ATP9B: variants seen among roughly 807,000 people sequenced by gnomAD.
ATP9B encodes ATPase phospholipid transporting 9B.
In ATP9B, 110 loss-of-function variants were observed where a neutral mutation model predicts 146.1. That is an observed-to-expected ratio of 0.75 (90% confidence interval 0.65 to 0.88). The LOEUF (loss-of-function observed/expected upper bound fraction) is 0.88, where lower values mean the gene tolerates loss of function less well. ATP9B is among the 40% of genes least tolerant of loss of function. The probability of loss-of-function intolerance (pLI) is 0.00; values close to 1 mark genes in which losing one functional copy is unlikely to be tolerated. For missense variants in ATP9B, 1,499 were observed against 1,496.4 expected (o/e 1.00, Z -0.03); for synonymous variants, 604 against 569.7 (o/e 1.06, Z -0.86).
chr18:79,198,954 A>T (rs1329203634), intron 9 of ATP9B, among the ~76,000 whole-genome samples: 1 of 151,860 alleles, frequency 6.6e-6, no homozygotes, highest in Non-Finnish European at 1.5e-5. Context: ...GCTTCCTATA[A>T]CTTTAATTTT....
intron 16 of ATP9B, 148 bp downstream of exon 16, chr18:79,329,450 T>C: frequency 2.1e-6 from 2 of 954,614 alleles, no homozygotes; most frequent in Non-Finnish European, 2.9e-6. Context: ...TTTAATGAAA[T>C]CTAAGCTAAT....
chr18:79,227,765 G>A (rs547071688), intron 11 of ATP9B, among the ~76,000 whole-genome samples: 2 of 151,856 alleles, frequency 1.3e-5, no homozygotes, highest in South Asian at 2.1e-4. Context: ...GTGCCTTCCC[G>A]GGAGGTTCTA....
At chr18:79,370,323 G>C (rs1232196846) in intron 26 of ATP9B, among the ~76,000 whole-genome samples, 2 of 152,110 alleles carry the variant, frequency 1.3e-5, no homozygotes, top group African/African-American at 4.8e-5. Context: ...TCACAGAGGA[G>C]GGAACTGAGG....
At chr18:79,183,781 T>TA (rs2095276369) in intron 8 of ATP9B, among the ~76,000 whole-genome samples, 1 of 129,146 alleles carries the variant, frequency 7.7e-6, no homozygotes, top group Non-Finnish European at 1.6e-5. Context: ...ATTTTTTTTT[T>TA]AGTTTAAAGT....
chr18:79,326,376 C>T (rs2096745374), intron 15 of ATP9B, among the ~76,000 whole-genome samples: 2 of 122,120 alleles, frequency 1.6e-5, no homozygotes, highest in Non-Finnish European at 1.7e-5. Flanking sequence ...TCTCTGTACC[C>T]TCCCTCCCCT....
chr18:79,295,177 G>A lies in ATP9B; in HGVS notation c.1412-8427G>A, dbSNP rs114769851. Among the ~76,000 whole-genome samples, 1,384 of 152,130 alleles carry A rather than the reference G, an allele frequency of 9.1e-3. 9 individuals carry two copies. Among genetic ancestry groups the A allele is most frequent in the African/African-American group, 0.024 (978 of 41,474 alleles). Reference sequence around the variant, plus strand: ...ATGAGGGATTTCTAGTGTGTATTCCGCATGTTGAAATGGTATTATTACCAG... The same window carrying A: ...ATGAGGGATTTCTAGTGTGTATTCCACATGTTGAAATGGTATTATTACCAG... On this transcript the variant is annotated intron_variant, in intron 13 of 29. Coordinates refer to ENST00000426216, the MANE Select transcript of ATP9B (RefSeq NM_198531.5).
rs2097096997 is a variant in ATP9B at position 79,375,387 on chromosome 18, G to A, written c.3275-7G>A. 2 of 1,607,712 alleles carry A rather than the reference G, an allele frequency of 1.2e-6. No individual in the cohort carries two copies. Among genetic ancestry groups the A allele is most frequent in the South Asian group, 1.1e-5 (1 of 90,506 alleles). ...CCTTTATTTTCTTTATTACTGTTTT[G>A]GAACAGGTATAGGCAGAGTGTCTTT... On this transcript the variant is annotated splice_polypyrimidine_tract_variant and splice_region_variant and intron_variant, in intron 28 of 29. Transcript: ENST00000426216.
intron 14 of ATP9B, 71 bp downstream of exon 14, chr18:79,303,787 T>C: frequency 9.2e-7 from 1 of 1,087,224 alleles, no homozygotes; most frequent in Admixed American, 1.8e-5. Context: ...CTGAGCCTCG[T>C]GTGTTCCCAT....
chr18:79,181,190 A>T (rs1343156846), intron 8 of ATP9B, among the ~76,000 whole-genome samples: 1 of 152,140 alleles, frequency 6.6e-6, no homozygotes, highest in Non-Finnish European at 1.5e-5. Flanking sequence ...ATCTGATGGC[A>T]TCCATAGTCC....
intron 12 of ATP9B, among the ~76,000 whole-genome samples, chr18:79,273,110 G>GT (rs1188135431): frequency 6.6e-6 from 1 of 152,254 alleles, no homozygotes; most frequent in Non-Finnish European, 1.5e-5. Context: ...CTGAGGAAGA[G>GT]TACATGTGCG....
At chr18:79,268,562 A>G (rs2096226434) in intron 12 of ATP9B, among the ~76,000 whole-genome samples, 1 of 152,208 alleles carries the variant, frequency 6.6e-6, no homozygotes, top group Admixed American at 6.5e-5. Context: ...CAGAGTTAAA[A>G]GTCAGTTCCC....
At chr18:79,327,784 G>C (rs538258932) in intron 15 of ATP9B, among the ~76,000 whole-genome samples, 8 of 125,338 alleles carry the variant, frequency 6.4e-5, no homozygotes, top group Admixed American at 2.3e-4. Flanking sequence ...CGTGCTCTCC[G>C]TGGTTAGCGT....
chr18:79,371,370 T>TAAAAA (rs59110010), intron 26 of ATP9B, among the ~76,000 whole-genome samples: 1 of 98,084 alleles, frequency 1.0e-5, no homozygotes. Flanking sequence ...GACTCCGTCT[T>TAAAAA]AAAAAAAAAA....
intron 25 of ATP9B, among the ~76,000 whole-genome samples, chr18:79,355,437 G>T (rs2096945481): frequency 6.6e-6 from 1 of 152,122 alleles, no homozygotes; most frequent in Non-Finnish European, 1.5e-5. Flanking sequence ...GGAAATCTTA[G>T]AGATGAGAAA....
In ATP9B at chr18:79,071,791, C is replaced by T. The variant is rs370694982; in HGVS notation, c.119+2262C>T. Among the ~76,000 whole-genome samples, 8 of 151,746 alleles carry T rather than the reference C, an allele frequency of 5.3e-5. No homozygotes were observed. The East Asian group carries it at 1.2e-3, about 22-fold the overall frequency. On this transcript the variant is annotated intron_variant, in intron 1 of 29. Coordinates refer to ENST00000426216, the MANE Select transcript of ATP9B (RefSeq NM_198531.5). ...CCCCTGTAGATAATGTGTCATTTCT[C>T]TCTGGCTGCTTTCAAGTTTTTACTT...
At chr18:79,267,134 T>A (rs1047699473) in intron 12 of ATP9B, among the ~76,000 whole-genome samples, 5 of 152,102 alleles carry the variant, frequency 3.3e-5, no homozygotes, top group African/African-American at 4.8e-5. Context: ...TTTAATTTCT[T>A]GAGTCAGTTT....
chr18:79,177,519 A>G (rs964966270), intron 8 of ATP9B, among the ~76,000 whole-genome samples: 1 of 152,038 alleles, frequency 6.6e-6, no homozygotes, highest in African/African-American at 2.4e-5. Flanking sequence ...CTGGGATTAC[A>G]GGTTTGAGCC....
chr18:79,285,298 C>T (rs34813262), intron 13 of ATP9B, among the ~76,000 whole-genome samples: 3,227 of 151,818 alleles, frequency 0.021, 114 homozygotes, highest in African/African-American at 0.073. Flanking sequence ...TCCTGACTTT[C>T]TAATGATTGC....
chr18:79,098,275 A>T (rs1456075099), intron 2 of ATP9B, among the ~76,000 whole-genome samples: 1 of 151,530 alleles, frequency 6.6e-6, no homozygotes, highest in Non-Finnish European at 1.5e-5. Context: ...AAACCATAAA[A>T]ACCCTAGAAG....
Sources: allele counts gnomAD v4.1 joint callset (sites outside exome capture counted in the v4.1 genomes callset), GRCh38; gene constraint gnomAD v4.1.1; transcripts MANE v1.5; gene names NCBI Gene and HGNC (gene_info 2026-07-23, HGNC 2026-07-21).